Variants in FBN2 observed in about 807,000 individuals in gnomAD.
FBN2 encodes fibrillin-2.
In FBN2, 105 loss-of-function variants were observed where a neutral mutation model predicts 355.6. The ratio of observed to expected loss-of-function variants is 0.30; its 90% confidence interval spans 0.25 to 0.35. The LOEUF (loss-of-function observed/expected upper bound fraction) is 0.35. Among genes scored for constraint, FBN2 ranks in the 10% least tolerant of loss-of-function variants. The pLI is 1.00. For synonymous variants in FBN2, 1,350 were observed against 1,301.2 expected (o/e 1.04, Z -0.81); for missense variants, 3,280 against 3,758.7 (o/e 0.87, Z 3.33).
chr5:128,291,984 C>T (rs192593867), intron 48 of FBN2, among the ~76,000 whole-genome samples: 1 of 151,994 alleles, frequency 6.6e-6, no homozygotes, highest in Non-Finnish European at 1.5e-5. Context: ...ATGAACTGGT[C>T]CCCTTCTCCC....
At chr5:128,493,316 C>A (rs528613147) in intron 5 of FBN2, among the ~76,000 whole-genome samples, 1 of 152,196 alleles carries the variant, frequency 6.6e-6, no homozygotes, top group South Asian at 2.1e-4. Context: ...AACAAAAAAT[C>A]AGTTTACTGT....
At chr5:128,299,054 C>T (rs1008092412) in intron 48 of FBN2, among the ~76,000 whole-genome samples, 1 of 152,136 alleles carries the variant, frequency 6.6e-6, no homozygotes, top group African/African-American at 2.4e-5. Context: ...TTCTAACAGA[C>T]AGGACCCTCA....
At chr5:128,439,279 A>G (rs1753854204) in intron 7 of FBN2, among the ~76,000 whole-genome samples, 1 of 152,218 alleles carries the variant, frequency 6.6e-6, no homozygotes, top group African/African-American at 2.4e-5. Flanking sequence ...ATTAAATATT[A>G]TAGTATGGAT....
chr5:128,477,449 A>T (rs1441643247), intron 5 of FBN2, among the ~76,000 whole-genome samples: 1 of 152,248 alleles, frequency 6.6e-6, no homozygotes, highest in East Asian at 1.9e-4. Context: ...CGAGTTGGCT[A>T]GCACCATAAA....
At chr5:128,336,914 A>G (rs1750856950) in intron 27 of FBN2, among the ~76,000 whole-genome samples, 1 of 152,210 alleles carries the variant, frequency 6.6e-6, no homozygotes, top group Non-Finnish European at 1.5e-5. Context: ...TTCTCAAAAT[A>G]ACCAAGAAGA....
intron 7 of FBN2, among the ~76,000 whole-genome samples, chr5:128,412,613 G>A (rs1430235829): frequency 6.6e-6 from 1 of 152,166 alleles, no homozygotes. Flanking sequence ...ATGGGCAACT[G>A]GGTCTGAAAA....
chr5:128,332,931 T>C lies in FBN2; in HGVS notation c.4203A>G (p.Gly1401=), dbSNP rs1750732363. ...ACTCACCAATACACTTGATGCCGTT[T>C]CCAATCCAGCCTTCTCTGCAGCTAC... The part of the protein sequence containing the change: ...FKCSCREGWI[G]NGIKCIDLDE... The change falls in exon 32 of 65, where the codon GGA becomes GGG. Residue 1401 remains glycine, a synonymous_variant. Coordinates refer to ENST00000262464, the MANE Select transcript of FBN2 (RefSeq NM_001999.4). The C allele has an allele frequency of 6.2e-7, 1 of 1,613,884 alleles. No individual in the cohort carries two copies. The highest frequency in any genetic ancestry group is 1.3e-5 in the African/African-American group (1 of 74,912).
intron 64 of FBN2, among the ~76,000 whole-genome samples, chr5:128,260,510 T>G (rs1764938131): frequency 6.6e-6 from 1 of 152,350 alleles, no homozygotes. Flanking sequence ...ATGCTTTGAT[T>G]GGGCATCTGT....
intron 15 of FBN2, among the ~76,000 whole-genome samples, chr5:128,370,786 G>A (rs1266420569): frequency 6.6e-6 from 1 of 152,164 alleles, no homozygotes; most frequent in East Asian, 1.9e-4. Context: ...CACTGGAAGA[G>A]TGAGACATGT....
In FBN2 at chr5:128,278,650, T is replaced by C; in HGVS notation, c.7330A>G (p.Thr2444Ala). 1 of 1,614,084 alleles carries C rather than the reference T, an allele frequency of 6.2e-7. No individual in the cohort carries two copies. The highest frequency in any genetic ancestry group is 8.5e-7 in the Non-Finnish European group (1 of 1,179,928). Residue 2444 changes from threonine (T) to alanine (A), a missense_variant, in exon 57 of 65, where the codon ACA becomes GCA. Physicochemically the swap from Thr to Ala is moderately conservative, Grantham distance 58. Transcript: ENST00000262464. ...AACTCCTTACCTCTTCCATCAGTTG[T>C]ATATCCTGGGCCATGAGGACATATC... is the stretch of plus-strand genomic sequence containing the variant. ...KKICPHGPGY[T>A]TDGRDIDECK...
In FBN2 at chr5:128,530,708, A is replaced by C; in HGVS notation, c.338-15T>G. On this transcript the variant is annotated splice_polypyrimidine_tract_variant and intron_variant, in intron 2 of 64. Coordinates refer to ENST00000262464, the MANE Select transcript of FBN2 (RefSeq NM_001999.4). ...TCTACAAATCGCTGTAGAAAGCACA[A>C]TAGGAAAATGAATGAATAACTATAT... is the stretch of plus-strand genomic sequence containing the variant. 1 of 1,506,894 alleles carries C rather than the reference A, an allele frequency of 6.6e-7. No individual in the cohort carries two copies. The highest frequency in any genetic ancestry group is 9.2e-7 in the Non-Finnish European group (1 of 1,082,532). 93.3% of individuals were successfully genotyped at this position (1,506,894 alleles called of 1,614,324 possible).
intron 59 of FBN2, 52 bp from the exon 60 acceptor site, chr5:128,274,735 T>C (rs763238412): frequency 8.9e-7 from 1 of 1,124,036 alleles, no homozygotes; most frequent in South Asian, 1.2e-5. Context: ...CTGGCTATGT[T>C]TCCTTTCTTG....
chr5:128,439,687 T>C (rs889782994), intron 7 of FBN2, among the ~76,000 whole-genome samples: 15 of 152,232 alleles, frequency 9.9e-5, no homozygotes, highest in Middle Eastern at 3.4e-3. Flanking sequence ...TTGTCTTTTT[T>C]TCTGGTTAGT....
chr5:128,264,061 G>T (rs187164048), intron 62 of FBN2, among the ~76,000 whole-genome samples: 254 of 152,224 alleles, frequency 1.7e-3, no homozygotes, highest in Non-Finnish European at 3.1e-3. Flanking sequence ...CCGCTCTTGG[G>T]TATGGTGTTT....
chr5:128,336,767 G>C (rs1203651317), intron 27 of FBN2, among the ~76,000 whole-genome samples: 1 of 152,076 alleles, frequency 6.6e-6, no homozygotes, highest in Non-Finnish European at 1.5e-5. Context: ...AAATAAACTA[G>C]TACCAATAAT....
intron 37 of FBN2, among the ~76,000 whole-genome samples, chr5:128,312,170 G>A (rs1692783824): frequency 6.6e-6 from 1 of 152,066 alleles, no homozygotes; most frequent in South Asian, 2.1e-4. Flanking sequence ...CGAACCATTT[G>A]TTTTTAATTA....
chr5:128,508,241 G>A (rs1449458121), intron 5 of FBN2, among the ~76,000 whole-genome samples: 1 of 151,950 alleles, frequency 6.6e-6, no homozygotes, highest in Non-Finnish European at 1.5e-5. Flanking sequence ...TTCAATTGGA[G>A]TGTTGAGACC....
At chr5:128,340,138 T>C (rs1750960914) in intron 25 of FBN2, among the ~76,000 whole-genome samples, 1 of 152,202 alleles carries the variant, frequency 6.6e-6, no homozygotes, top group South Asian at 2.1e-4. Flanking sequence ...TAAGAAAACA[T>C]GACCTATTTA....
intron 15 of FBN2, among the ~76,000 whole-genome samples, 163 bp from the exon 16 acceptor site, chr5:128,369,497 A>C (rs989824634): frequency 6.6e-6 from 1 of 152,230 alleles, no homozygotes; most frequent in East Asian, 1.9e-4. Context: ...TTAGGAAATC[A>C]ACAAATGTTT....
Sources: gnomAD v4.1 joint callset for allele counts (sites outside exome capture counted in the v4.1 genomes callset) on GRCh38, gnomAD v4.1.1 for gene constraint, MANE v1.5 for transcripts, NCBI Gene and HGNC (gene_info 2026-07-23, HGNC 2026-07-21) for gene names.